Variants in LIPJ observed in about 807,000 individuals in gnomAD.
LIPJ encodes lipase family member J.
LIPJ carries 33 observed loss-of-function variants against 39.8 expected under a neutral mutation model. That is an observed-to-expected ratio of 0.83 (90% confidence interval 0.63 to 1.11). The LOEUF (loss-of-function observed/expected upper bound fraction) is 1.11. Among genes scored for constraint, LIPJ ranks in the 50% least tolerant of loss-of-function variants. LIPJ has a pLI of 0.00. For synonymous variants in LIPJ, 128 were observed against 139.2 expected (o/e 0.92, Z 0.57); for missense variants, 422 against 427.9 (o/e 0.99, Z 0.12).
the LIPJ span, among the ~76,000 whole-genome samples, chr10:88,619,453 C>CCACACACACACATACACACACA: frequency 1.4e-3 from 201 of 147,048 alleles, 2 homozygotes; most frequent in African/African-American, 4.9e-3. Flanking sequence ...CCCCCTCTTG[C>CCACACACACACATACACACACA]CACACACACA....
At chr10:88,602,458 ATGAT>A (rs1329260381) in intron 8 of LIPJ, 114 bp from the exon 9 acceptor site, 1 of 566,744 alleles carries the variant, frequency 1.8e-6, no homozygotes, top group African/African-American at 2.0e-5. Flanking sequence ...GTTTATTAAT[ATGAT>A]TAATTTTAAA....
Position 88,594,764 on chromosome 10 carries a change from G to T in LIPJ, c.427G>T (p.Gly143Cys). ...AATATTTTATGTAGGCCATTCACAG[G>T]GTACTACTATTGGTATGCCAAGAAA... The change falls in exon 6 of 11, where the codon GGT becomes TGT. Residue 143 changes from glycine to cysteine, a missense_variant. Physicochemically the swap from Gly to Cys is radical, Grantham distance 159. Transcript: ENST00000371939. 6.7e-7 allele frequency: 1 copy of T among 1,485,030 alleles called. No individual in the cohort carries two copies. The highest frequency in any genetic ancestry group is 2.0e-5 in the Admixed American group (1 of 50,768). The allele number at this position is 1,485,030 out of a possible 1,614,324, so 92.0% of individuals were successfully genotyped here.
At chr10:88,593,992 C>G (rs138052355) in exon 5 of LIPJ, 1 of 1,612,284 alleles carries the variant, frequency 6.2e-7, no homozygotes, top group Non-Finnish European at 8.5e-7. Context: ...TTACATCTGC[C>G]AGCAGCTGGA....
At position 88,602,565 on chromosome 10, in the gene LIPJ, T is replaced by A; in HGVS notation, c.724-11T>A. ...TATAAAAATGCTTTTTTTTTTTTTT[T>A]TACCCCTCAGAGTCGTTTGGATGTG... On this transcript the variant is annotated splice_polypyrimidine_tract_variant and intron_variant, in intron 8 of 10. Transcript: ENST00000371939. 1 of 1,472,480 alleles carries A rather than the reference T, an allele frequency of 6.8e-7. No individual in the cohort carries two copies. Among genetic ancestry groups the A allele is most frequent in the Non-Finnish European group, 9.2e-7 (1 of 1,091,572 alleles). The allele number at this position is 1,472,480 out of a possible 1,614,324, so 91.2% of individuals were successfully genotyped here.
chr10:88,603,046 T>C (rs1414850523), intron 9 of LIPJ, among the ~76,000 whole-genome samples: 1 of 152,154 alleles, frequency 6.6e-6, no homozygotes, highest in Non-Finnish European at 1.5e-5. Context: ...GAGCCAATAC[T>C]GTACTGCTGC....
In LIPJ at chr10:88,606,672, A is replaced by G; in HGVS notation, c.868-2A>G. ...ACTATTTTTTCACTCATTTATTTTC[A>G]GACAACGTCTCCATTATACAACATG... On this transcript the variant is annotated splice_acceptor_variant, in intron 10 of 10. Transcript: ENST00000371939. LOFTEE classifies it high-confidence loss of function. 6.3e-7 allele frequency: 1 copy of G among 1,580,472 alleles called. No individual in the cohort carries two copies. The highest frequency in any genetic ancestry group is 2.2e-5 in the East Asian group (1 of 44,586).
chr10:88,621,829 G>A, the LIPJ span, among the ~76,000 whole-genome samples: 1 of 152,166 alleles, frequency 6.6e-6, no homozygotes, highest in African/African-American at 2.4e-5. Context: ...TCTGGAGAGA[G>A]CAGAGGTAAA....
intron 2 of LIPJ, among the ~76,000 whole-genome samples, chr10:88,588,408 A>C (rs905824802): frequency 8.6e-5 from 13 of 151,910 alleles, no homozygotes; most frequent in Non-Finnish European, 2.9e-5. Flanking sequence ...TAGCCAATTT[A>C]TATAAATGCT....
the LIPJ span, among the ~76,000 whole-genome samples, chr10:88,619,364 T>A: frequency 6.6e-6 from 1 of 151,994 alleles, no homozygotes; most frequent in Non-Finnish European, 1.5e-5. Flanking sequence ...AATTCATACA[T>A]ATAAAAGTTT....
At chr10:88,591,607 T>C (rs1851081876) in intron 4 of LIPJ, 109 bp downstream of exon 4, 4 of 919,016 alleles carry the variant, frequency 4.4e-6, no homozygotes, top group Admixed American at 2.6e-5. Flanking sequence ...ATTAAGTGAA[T>C]AGTTAACTTC....
At chr10:88,611,587 A>G (rs986393268), downstream of LIPJ, among the ~76,000 whole-genome samples, 1 of 152,228 alleles carries the variant, frequency 6.6e-6, no homozygotes, top group Non-Finnish European at 1.5e-5. Flanking sequence ...CCACTTCTGG[A>G]AATCAAGGAC....
At chr10:88,604,269 T>G (rs1434143376) in intron 9 of LIPJ, among the ~76,000 whole-genome samples, 2 of 152,102 alleles carry the variant, frequency 1.3e-5, no homozygotes, top group Non-Finnish European at 2.9e-5. Context: ...AAATAATGAG[T>G]AAGACAGGGA....
chr10:88,610,068 A>G (rs1315003757), downstream of LIPJ, among the ~76,000 whole-genome samples: 2 of 152,170 alleles, frequency 1.3e-5, no homozygotes, highest in African/African-American at 4.8e-5. Flanking sequence ...GATAAGCCTC[A>G]ATCCTCAGCC....
the LIPJ span, among the ~76,000 whole-genome samples, chr10:88,613,490 T>C: frequency 6.6e-6 from 1 of 151,628 alleles, no homozygotes; most frequent in African/African-American, 2.4e-5. Context: ...GTTGTATACA[T>C]GATTTGATGG....
intron 2 of LIPJ, among the ~76,000 whole-genome samples, chr10:88,588,313 C>A (rs1018606681): frequency 6.6e-6 from 1 of 151,748 alleles, no homozygotes; most frequent in African/African-American, 2.4e-5. Context: ...CTCATGTCAA[C>A]TTAAAATTAT....
At chr10:88,622,221 A>G in the LIPJ span, among the ~76,000 whole-genome samples, 1 of 152,190 alleles carries the variant, frequency 6.6e-6, no homozygotes, top group Non-Finnish European at 1.5e-5. Context: ...TCCAGGTGTA[A>G]CACTCATACT....
chr10:88,612,310 C>G, the LIPJ span, among the ~76,000 whole-genome samples: 3 of 152,110 alleles, frequency 2.0e-5, no homozygotes, highest in Admixed American at 6.5e-5. Flanking sequence ...AATAGAACCT[C>G]CTTAAAGCAT....
rs529950100 is a variant in LIPJ, at chr10:88,593,815, T to C, written c.131-131T>C. 5 of 684,742 alleles carry C rather than the reference T, an allele frequency of 7.3e-6. No individual in the cohort carries two copies. The African/African-American group carries it at 9.1e-5, about 12-fold the overall frequency. 42.4% of individuals were successfully genotyped at this position (684,742 alleles called of 1,614,324 possible). ...TACAACGGGATTAAATCTTAATAAC[T>C]TACCCCACTTATGAAAACAATTTTT... On this transcript the variant is annotated intron_variant, in intron 4 of 10. Transcript: ENST00000371939.
downstream of LIPJ, among the ~76,000 whole-genome samples, chr10:88,607,477 TTGAGAAGAG>T (rs1851698547): frequency 2.0e-5 from 3 of 152,234 alleles, no homozygotes; most frequent in Admixed American, 6.5e-5. Flanking sequence ...AGTGTATAGC[TTGAGAAGAG>T]GGAAGTTGCC....
Sources: allele counts gnomAD v4.1 joint callset (sites outside exome capture counted in the v4.1 genomes callset), GRCh38; gene constraint gnomAD v4.1.1; transcripts MANE v1.5; gene names NCBI Gene and HGNC (gene_info 2026-07-23, HGNC 2026-07-21).